EXOC6B: variants seen among roughly 807,000 people sequenced by gnomAD.
EXOC6B encodes the protein exocyst complex component 6B.
EXOC6B carries 54 observed loss-of-function variants against 113.5 expected under a neutral mutation model. That is an observed-to-expected ratio of 0.48 (90% CI 0.38 to 0.60). The LOEUF (loss-of-function observed/expected upper bound fraction) is 0.60, where lower values mean the gene tolerates loss of function less well. EXOC6B is among the 20% of genes least tolerant of loss of function. The pLI is 0.00. For missense variants in EXOC6B, 797 were observed against 977.5 expected, an observed-to-expected ratio of 0.82 and a Z score of 2.46; for synonymous variants, 357 against 339.0, an observed-to-expected ratio of 1.05 and a Z score of -0.58.
At chr2:72,270,314 G>C (rs1008348774) in intron 20 of EXOC6B, among the ~76,000 whole-genome samples, 1 of 152,100 alleles carries the variant, frequency 6.6e-6, no homozygotes, top group Admixed American at 6.6e-5. Context: ...GGTCTCAGGG[G>C]ATCCTGAGCA....
intron 6 of EXOC6B, among the ~76,000 whole-genome samples, chr2:72,599,047 A>G (rs1020268265): frequency 6.6e-6 from 1 of 152,128 alleles, no homozygotes; most frequent in African/African-American, 2.4e-5. Flanking sequence ...AACTCATTCT[A>G]TTAAATCAGC....
At chr2:72,450,378 G>C (rs1483929183) in intron 18 of EXOC6B, among the ~76,000 whole-genome samples, 1 of 152,070 alleles carries the variant, frequency 6.6e-6, no homozygotes, top group African/African-American at 2.4e-5. Flanking sequence ...TTTACTAAAG[G>C]GACCTGAAAG....
chr2:72,226,789 A>T (rs1681270817), intron 20 of EXOC6B, among the ~76,000 whole-genome samples: 1 of 152,214 alleles, frequency 6.6e-6, no homozygotes. Flanking sequence ...TAGACCTGGC[A>T]CATCAGTGAA....
rs576158882 is a variant in EXOC6B, at chr2:72,255,450, C to G, written c.2197-71263G>C. Among the ~76,000 whole-genome samples the G allele has an allele frequency of 3.9e-5, 6 of 152,342 alleles. No homozygotes were observed. The South Asian group carries it at 1.2e-3, about 32-fold the overall frequency. ...GGTGCAGAAGTAGACACTGATGAAG[C>G]CACCACAGGCCTGGAAGGCAGCGCC... On this transcript the variant is annotated intron_variant, in intron 20 of 21. Transcript: ENST00000272427.
chr2:72,269,182 T>C (rs571774974), intron 20 of EXOC6B, among the ~76,000 whole-genome samples: 1 of 151,896 alleles, frequency 6.6e-6, no homozygotes, highest in East Asian at 1.9e-4. Flanking sequence ...GATTTCTAAA[T>C]AAAAATAAAG....
intron 1 of EXOC6B, among the ~76,000 whole-genome samples, chr2:72,793,958 C>G (rs111895907): frequency 2.0e-5 from 3 of 152,136 alleles, no homozygotes; most frequent in Admixed American, 2.0e-4. Context: ...CAGCATCCAC[C>G]GAAGCCATGG....
chr2:72,630,051 T>C (rs1419605198), intron 6 of EXOC6B, among the ~76,000 whole-genome samples: 5 of 152,188 alleles, frequency 3.3e-5, no homozygotes, highest in African/African-American at 1.2e-4. Flanking sequence ...ATTGCAAGCC[T>C]TAGGCAGCTT....
At chr2:72,271,594 T>C (rs1684487870) in intron 20 of EXOC6B, among the ~76,000 whole-genome samples, 1 of 151,982 alleles carries the variant, frequency 6.6e-6, no homozygotes, top group South Asian at 2.1e-4. Flanking sequence ...CAGAATCTAC[T>C]GTGTCCTTTT....
At chr2:72,364,021 C>A (rs1298750801) in intron 19 of EXOC6B, among the ~76,000 whole-genome samples, 2 of 152,038 alleles carry the variant, frequency 1.3e-5, no homozygotes, top group Non-Finnish European at 2.9e-5. Context: ...AGTTTGATTT[C>A]TTTTAGGACC....
intron 6 of EXOC6B, among the ~76,000 whole-genome samples, chr2:72,676,214 A>G (rs1022480608): frequency 1.3e-5 from 2 of 152,044 alleles, no homozygotes; most frequent in African/African-American, 4.8e-5. Context: ...AGCCACTCTT[A>G]GTCTTTAGAG....
intron 19 of EXOC6B, among the ~76,000 whole-genome samples, chr2:72,343,328 G>T (rs922870176): frequency 1.3e-5 from 2 of 152,160 alleles, no homozygotes; most frequent in Non-Finnish European, 2.9e-5. Flanking sequence ...TTGGGAGGCT[G>T]AGGCACAGGA....
At chr2:72,774,815 ACAT>A (rs1381061410) in intron 1 of EXOC6B, among the ~76,000 whole-genome samples, 3 of 152,160 alleles carry the variant, frequency 2.0e-5, no homozygotes, top group African/African-American at 7.2e-5. Flanking sequence ...AAACTGACAA[ACAT>A]CATGCATCAG....
intron 6 of EXOC6B, among the ~76,000 whole-genome samples, chr2:72,648,437 C>T (rs1019483772): frequency 2.0e-5 from 3 of 152,144 alleles, no homozygotes; most frequent in African/African-American, 7.2e-5. Flanking sequence ...TGGGTATATA[C>T]CCAAAGGATT....
chr2:72,540,639 C>T (rs1475471987), intron 8 of EXOC6B, among the ~76,000 whole-genome samples: 1 of 152,100 alleles, frequency 6.6e-6, no homozygotes, highest in Non-Finnish European at 1.5e-5. Flanking sequence ...CCAAAAATAT[C>T]CTTTATAGCG....
At chr2:72,788,986 G>A (rs569715307) in intron 1 of EXOC6B, among the ~76,000 whole-genome samples, 4 of 152,272 alleles carry the variant, frequency 2.6e-5, no homozygotes, top group African/African-American at 9.6e-5. Context: ...CTGAATTCCT[G>A]ATTTAGGCTC....
intron 6 of EXOC6B, among the ~76,000 whole-genome samples, chr2:72,689,087 T>C (rs1178419601): frequency 6.6e-6 from 1 of 152,206 alleles, no homozygotes; most frequent in Non-Finnish European, 1.5e-5. Flanking sequence ...TTTATTAACT[T>C]CCATGTTCAC....
intron 20 of EXOC6B, among the ~76,000 whole-genome samples, chr2:72,296,847 A>T (rs552797902): frequency 6.6e-6 from 1 of 152,370 alleles, no homozygotes; most frequent in South Asian, 2.1e-4. Flanking sequence ...GATTAGTTAC[A>T]GTCATGTGAA....
At chr2:72,818,014 C>G (rs998171779) in intron 1 of EXOC6B, among the ~76,000 whole-genome samples, 5 of 152,118 alleles carry the variant, frequency 3.3e-5, no homozygotes, top group Admixed American at 3.3e-4. Context: ...CTCTGTCGCC[C>G]AGGCTGGAGT....
chr2:72,285,848 G>A (rs1382854958), intron 20 of EXOC6B, among the ~76,000 whole-genome samples: 1 of 151,924 alleles, frequency 6.6e-6, no homozygotes, highest in Non-Finnish European at 1.5e-5. Context: ...ATACCTCACC[G>A]AAGAAGATAT....
Sources: allele counts gnomAD v4.1 joint callset (sites outside exome capture counted in the v4.1 genomes callset), GRCh38; gene constraint gnomAD v4.1.1; transcripts MANE v1.5; gene names NCBI Gene and HGNC (gene_info 2026-07-23, HGNC 2026-07-21).